Variants in CAMTA1 observed in about 807,000 individuals in gnomAD.
CAMTA1 encodes the protein calmodulin binding transcription activator 1.
Under a neutral mutation model 170.9 loss-of-function variants are expected in CAMTA1, and 27 were observed. The ratio of observed to expected loss-of-function variants is 0.16; its 90% CI spans 0.12 to 0.22. CAMTA1 has a LOEUF of 0.22. Among genes scored for constraint, CAMTA1 ranks in the 10% least tolerant of loss-of-function variants. The pLI is 1.00. For missense variants in CAMTA1, 1,619 were observed against 2,217.2 expected, an observed-to-expected ratio of 0.73 and a Z score of 5.42; for synonymous variants, 833 against 891.5, an observed-to-expected ratio of 0.93 and a Z score of 1.17.
intron 5 of CAMTA1, among the ~76,000 whole-genome samples, chr1:7,309,594 C>T (rs548627298): frequency 3.3e-5 from 5 of 152,186 alleles, no homozygotes; most frequent in African/African-American, 9.6e-5. Context: ...CCGCCGCGCC[C>T]GGCCTGAAAA....
intron 4 of CAMTA1, among the ~76,000 whole-genome samples, chr1:7,170,389 C>T (rs1484605563): frequency 1.3e-5 from 2 of 150,858 alleles, no homozygotes; most frequent in Non-Finnish European, 1.5e-5. Flanking sequence ...TGGTGGTTTG[C>T]TGCACCCGTC....
At chr1:6,814,384 G>A (rs1645539839) in intron 1 of CAMTA1, among the ~76,000 whole-genome samples, 1 of 152,174 alleles carries the variant, frequency 6.6e-6, no homozygotes, top group Admixed American at 6.5e-5. Flanking sequence ...TGGGGTGAGA[G>A]CAACGAAGTG....
intron 3 of CAMTA1, among the ~76,000 whole-genome samples, chr1:7,059,075 C>A (rs1430112511): frequency 6.6e-6 from 1 of 152,192 alleles, no homozygotes; most frequent in African/African-American, 2.4e-5. Flanking sequence ...GGTTCCTGGG[C>A]TCTCCTTTCC....
chr1:7,690,458 A>T (rs1167517866), intron 11 of CAMTA1, among the ~76,000 whole-genome samples: 1 of 152,054 alleles, frequency 6.6e-6, no homozygotes, highest in Non-Finnish European at 1.5e-5. Flanking sequence ...TGGGCAAGGA[A>T]CTCTACCCCA....
intron 4 of CAMTA1, among the ~76,000 whole-genome samples, chr1:7,161,513 G>T (rs1015528398): frequency 1.3e-5 from 2 of 151,942 alleles, no homozygotes; most frequent in Non-Finnish European, 1.5e-5. Context: ...TCTTTCCTGT[G>T]CTGTTCTCAT....
intron 7 of CAMTA1, among the ~76,000 whole-genome samples, chr1:7,652,220 A>T (rs1419765753): frequency 1.3e-5 from 2 of 152,168 alleles, no homozygotes; most frequent in African/African-American, 2.4e-5. Context: ...CAAGACCAGC[A>T]CATGCCTCAG....
At chr1:7,079,485 T>C (rs2148009050) in intron 3 of CAMTA1, among the ~76,000 whole-genome samples, 2 of 152,232 alleles carry the variant, frequency 1.3e-5, no homozygotes, top group East Asian at 1.9e-4. Context: ...TTTTTTTTCT[T>C]TTTTAAAGAC....
intron 4 of CAMTA1, among the ~76,000 whole-genome samples, chr1:7,183,290 T>C (rs538825830): frequency 6.6e-6 from 1 of 152,248 alleles, no homozygotes; most frequent in African/African-American, 2.4e-5. Context: ...CAAGCCTTTT[T>C]TGAGGGATCC....
intron 4 of CAMTA1, among the ~76,000 whole-genome samples, chr1:7,233,755 C>T (rs1209484297): frequency 5.3e-5 from 8 of 152,190 alleles, no homozygotes; most frequent in East Asian, 1.9e-4. Context: ...CACAAAGCCC[C>T]GGGATCTAAC....
intron 5 of CAMTA1, among the ~76,000 whole-genome samples, chr1:7,459,366 A>G (rs1444124816): frequency 6.6e-6 from 1 of 152,162 alleles, no homozygotes; most frequent in African/African-American, 2.4e-5. Context: ...AAGGCCTCCC[A>G]GGATCTGCGT....
intron 7 of CAMTA1, among the ~76,000 whole-genome samples, chr1:7,646,328 G>A (rs528477260): frequency 6.6e-6 from 1 of 150,664 alleles, no homozygotes; most frequent in African/African-American, 2.4e-5. Flanking sequence ...GAGTTGGGTG[G>A]AGGCCACGGT....
chr1:7,742,864 T>C (rs1182690682), intron 16 of CAMTA1, among the ~76,000 whole-genome samples: 1 of 152,202 alleles, frequency 6.6e-6, no homozygotes, highest in African/African-American at 2.4e-5. Flanking sequence ...AGTCTTGCTA[T>C]GTCACCCAGG....
At chr1:6,956,567 G>A (rs185411145) in intron 3 of CAMTA1, among the ~76,000 whole-genome samples, 55 of 152,266 alleles carry the variant, frequency 3.6e-4, no homozygotes, top group Admixed American at 7.8e-4. Context: ...GAAGGCAACA[G>A]CTGCACAATT....
At chr1:6,988,448 G>T (rs142554920) in intron 3 of CAMTA1, among the ~76,000 whole-genome samples, 1 of 152,264 alleles carries the variant, frequency 6.6e-6, no homozygotes, top group Non-Finnish European at 1.5e-5. Context: ...ATAAAAACCC[G>T]AGTATTGTAC....
chr1:7,172,922 A>C (rs565605524), intron 4 of CAMTA1, among the ~76,000 whole-genome samples: 4 of 152,250 alleles, frequency 2.6e-5, no homozygotes, highest in African/African-American at 9.6e-5. Context: ...CCAAGTGTTT[A>C]ATGATGTTCT....
In CAMTA1 at chr1:6,905,188, CT is replaced by C. The variant is rs34960802; in HGVS notation, c.234+80000del. Among the ~76,000 whole-genome samples the C allele has an allele frequency of 7.1e-3, 781 of 109,888 alleles. 2 individuals are homozygous for C. The highest frequency in any genetic ancestry group is 0.018 in the African/African-American group (461 of 25,876). 72.1% of individuals were successfully genotyped at this position (109,888 alleles called of 152,430 possible). ...ATTCCTGGGTCTCCTTGCCTTGTTC[CT>C]TTTTTTTTTTTTTTTTTTTTTGAGA... On this transcript the variant is annotated intron_variant, in intron 3 of 22. Transcript: ENST00000303635.
intron 1 of CAMTA1, among the ~76,000 whole-genome samples, chr1:6,793,045 C>T (rs764342446): frequency 1.6e-4 from 24 of 151,982 alleles, no homozygotes; most frequent in Non-Finnish European, 2.8e-4. Flanking sequence ...ATACCCCACT[C>T]TTATATATAT....
intron 5 of CAMTA1, among the ~76,000 whole-genome samples, chr1:7,424,898 C>T (rs1025907273): frequency 6.6e-6 from 1 of 152,062 alleles, no homozygotes; most frequent in Admixed American, 6.6e-5. Flanking sequence ...CGCTCATCCT[C>T]CCAGAACGCT....
intron 6 of CAMTA1, among the ~76,000 whole-genome samples, chr1:7,610,884 A>G (rs560113979): frequency 6.6e-6 from 1 of 152,344 alleles, no homozygotes; most frequent in Non-Finnish European, 1.5e-5. Context: ...AGAAAGCAGC[A>G]TGAGGGGCAA....
Sources: allele counts gnomAD v4.1 joint callset (sites outside exome capture counted in the v4.1 genomes callset), GRCh38; gene constraint gnomAD v4.1.1; transcripts MANE v1.5; gene names NCBI Gene and HGNC (gene_info 2026-07-23, HGNC 2026-07-21).